Variants in NTNG1 observed in about 807,000 individuals in gnomAD.
NTNG1 encodes the protein netrin G1, also known as netrin-G1.
In NTNG1, 16 loss-of-function variants were observed where a neutral mutation model predicts 54.0. That is an observed-to-expected ratio of 0.30 (90% CI 0.20 to 0.45). The LOEUF is 0.45. Among genes scored for constraint, NTNG1 ranks in the 20% least tolerant of loss-of-function variants. NTNG1 has a pLI of 1.00. For missense variants in NTNG1, 530 were observed against 678.7 expected (o/e 0.78, Z 2.43); for synonymous variants, 255 against 263.1 (o/e 0.97, Z 0.30).
chr1:107,144,197 C>T (rs1051712772), intron 1 of NTNG1, among the ~76,000 whole-genome samples: 7 of 152,032 alleles, frequency 4.6e-5, no homozygotes, highest in African/African-American at 1.7e-4. Flanking sequence ...CTGTTGGAAG[C>T]TGCTAATTTT....
intron 2 of NTNG1, among the ~76,000 whole-genome samples, chr1:107,307,241 G>A (rs577363717): frequency 8.5e-5 from 13 of 152,268 alleles, no homozygotes; most frequent in African/African-American, 2.9e-4. Flanking sequence ...GGCTTATTCT[G>A]TGTATTCTAT....
intron 2 of NTNG1, among the ~76,000 whole-genome samples, chr1:107,311,807 A>C (rs1667032799): frequency 6.6e-6 from 1 of 152,182 alleles, no homozygotes. Flanking sequence ...AGATACAAAA[A>C]AAATCACAAT....
At chr1:107,175,929 C>T (rs866453511) in intron 2 of NTNG1, among the ~76,000 whole-genome samples, 2 of 152,250 alleles carry the variant, frequency 1.3e-5, no homozygotes, top group Non-Finnish European at 1.5e-5. Flanking sequence ...TTAGTGTTGA[C>T]AAGTACAGAT....
At chr1:107,441,572 T>C (rs538152801) in intron 7 of NTNG1, among the ~76,000 whole-genome samples, 7 of 152,204 alleles carry the variant, frequency 4.6e-5, no homozygotes, top group South Asian at 2.1e-4. Flanking sequence ...GCTTTCCATT[T>C]TTAAGGAACC....
chr1:107,368,967 G>C (rs952465707), intron 3 of NTNG1, among the ~76,000 whole-genome samples: 5 of 152,084 alleles, frequency 3.3e-5, no homozygotes, highest in Non-Finnish European at 5.9e-5. Flanking sequence ...AAGTTTCTTC[G>C]TGCCCCAGAT....
intron 2 of NTNG1, among the ~76,000 whole-genome samples, chr1:107,236,969 A>G (rs1319657825): frequency 6.6e-6 from 1 of 152,226 alleles, no homozygotes; most frequent in Non-Finnish European, 1.5e-5. Flanking sequence ...GTGTTGCTGA[A>G]AAGATACCCC....
intron 2 of NTNG1, among the ~76,000 whole-genome samples, chr1:107,238,343 G>C (rs569603420): frequency 5.5e-4 from 83 of 152,258 alleles, no homozygotes; most frequent in African/African-American, 1.9e-3. Context: ...TAACTAACTT[G>C]CTTTTGATTT....
At chr1:107,418,603 T>C in intron 5 of NTNG1, 1 of 1,604,240 alleles carries the variant, frequency 6.2e-7, no homozygotes, top group Non-Finnish European at 8.5e-7. Context: ...TAATAGGATA[T>C]GGCCGAATAT....
At chr1:107,455,858 C>G (rs1446434301) in intron 7 of NTNG1, among the ~76,000 whole-genome samples, 1 of 152,202 alleles carries the variant, frequency 6.6e-6, no homozygotes, top group African/African-American at 2.4e-5. Context: ...CACCCTGTCT[C>G]AGCTCCATGT....
At chr1:107,455,579 C>G (rs761082945) in intron 7 of NTNG1, 1 of 486,716 alleles carries the variant, frequency 2.1e-6, no homozygotes, top group South Asian at 1.5e-5. Context: ...CCAATATTCT[C>G]AGACAGGCAG....
At chr1:107,317,920 CT>C (rs1667428107) in intron 2 of NTNG1, among the ~76,000 whole-genome samples, 1 of 152,156 alleles carries the variant, frequency 6.6e-6, no homozygotes, top group African/African-American at 2.4e-5. Context: ...AAACAAAACT[CT>C]TTATCCTCTA....
intron 2 of NTNG1, among the ~76,000 whole-genome samples, chr1:107,260,579 C>G (rs1301494490): frequency 1.3e-5 from 2 of 152,180 alleles, no homozygotes; most frequent in Admixed American, 6.5e-5. Context: ...TGGTCAGGGT[C>G]TTCCACAGCA....
At chr1:107,345,536 T>G (rs1025815605) in intron 3 of NTNG1, among the ~76,000 whole-genome samples, 5 of 152,140 alleles carry the variant, frequency 3.3e-5, no homozygotes, top group Admixed American at 3.3e-4. Context: ...GGCATTTTTC[T>G]GGGATAGGAA....
intron 2 of NTNG1, among the ~76,000 whole-genome samples, chr1:107,174,602 A>G (rs1656501350): frequency 6.6e-6 from 1 of 152,010 alleles, no homozygotes; most frequent in African/African-American, 2.4e-5. Context: ...CAATTAACAC[A>G]GTGCATAATG....
chr1:107,222,038 C>T (rs1424431346), intron 2 of NTNG1, among the ~76,000 whole-genome samples: 1 of 151,928 alleles, frequency 6.6e-6, no homozygotes, highest in African/African-American at 2.4e-5. Context: ...GTGTCTCAAA[C>T]CTTCATACGT....
chr1:107,311,196 G>T (rs1037275950), intron 2 of NTNG1, among the ~76,000 whole-genome samples: 1 of 152,112 alleles, frequency 6.6e-6, no homozygotes, highest in African/African-American at 2.4e-5. Context: ...GTGCCATTCA[G>T]TGCTTTTTCC....
At chr1:107,394,221 A>T (rs570644012) in intron 3 of NTNG1, among the ~76,000 whole-genome samples, 20 of 152,272 alleles carry the variant, frequency 1.3e-4, no homozygotes, top group African/African-American at 4.6e-4. Flanking sequence ...ACCTTTCCAG[A>T]GGATATGGTG....
At chr1:107,295,218 C>T (rs948073979) in intron 2 of NTNG1, among the ~76,000 whole-genome samples, 2 of 152,110 alleles carry the variant, frequency 1.3e-5, no homozygotes, top group Non-Finnish European at 2.9e-5. Flanking sequence ...TCCTGTAGGT[C>T]TCACCCAACT....
rs1326661743 is a variant in NTNG1, at chr1:107,381,341, CTT to C, written c.888-13811_888-13810del. 1.3e-4 allele frequency among the ~76,000 whole-genome samples: 11 copies of C among 87,464 alleles called. No individual in the cohort carries two copies. In the East Asian group the frequency reaches 4.2e-3, roughly 33 times the overall value. 57.4% of individuals were successfully genotyped at this position (87,464 alleles called of 152,430 possible). ...TAACTCCAAAATATAGCACCTTTCT[CTT>C]TAACTAAAAAAAAAAAAAAAAAAAA... On this transcript the variant is annotated intron_variant, in intron 3 of 7. Transcript: ENST00000370068.
Sources: allele counts gnomAD v4.1 joint callset (sites outside exome capture counted in the v4.1 genomes callset), GRCh38; gene constraint gnomAD v4.1.1; transcripts MANE v1.5; gene names NCBI Gene and HGNC (gene_info 2026-07-23, HGNC 2026-07-21).